PARD3B: variants seen among roughly 807,000 people sequenced by gnomAD.
PARD3B encodes the protein partitioning defective 3 homolog B.
A neutral mutation model predicts 130.2 loss-of-function variants in PARD3B; 103 were observed. That is an observed-to-expected ratio of 0.79 (90% CI 0.67 to 0.93). The LOEUF (loss-of-function observed/expected upper bound fraction) is 0.93, where lower values mean the gene tolerates loss of function less well. PARD3B is among the 40% of genes least tolerant of loss of function. The probability of loss-of-function intolerance (pLI) is 0.00; values close to 1 mark genes in which losing one functional copy is unlikely to be tolerated. For missense variants in PARD3B, 1,609 were observed against 1,499.2 expected, an observed-to-expected ratio of 1.07 and a Z score of -1.21; for synonymous variants, 583 against 553.2, an observed-to-expected ratio of 1.05 and a Z score of -0.76.
Position 205,530,020 on chromosome 2 carries a change from G to A in PARD3B, c.3181-23304G>A, listed in dbSNP as rs2051517302. ...CTATACCAACTGCCACCTTGGTATA[G>A]GCAGGCAAAGAAAGGTGCCACCCAA... is the stretch of plus-strand genomic sequence containing the variant. On this transcript the variant is annotated intron_variant, in intron 21 of 22. Transcript: ENST00000406610. The surrounding 1 kb of genome is among the most constrained non-coding windows in gnomAD (Gnocchi z 4.7). Among the ~76,000 whole-genome samples the A allele has an allele frequency of 1.3e-5, 2 of 152,142 alleles. No homozygotes were observed. Among genetic ancestry groups the A allele is most frequent in the African/African-American group, 2.4e-5 (1 of 41,452 alleles).
intron 1 of PARD3B, among the ~76,000 whole-genome samples, chr2:204,659,889 T>G (rs1379124773): frequency 6.6e-6 from 1 of 152,220 alleles, no homozygotes; most frequent in African/African-American, 2.4e-5. Flanking sequence ...AAGGTTCCTT[T>G]TGATGCTAAA....
intron 2 of PARD3B, among the ~76,000 whole-genome samples, chr2:204,928,182 C>A (rs930938742): frequency 2.6e-5 from 4 of 152,000 alleles, no homozygotes; most frequent in African/African-American, 9.7e-5. Flanking sequence ...ATGACCTTGG[C>A]TGGGACAATT....
chr2:205,178,605 T>C (rs555785779), intron 13 of PARD3B, among the ~76,000 whole-genome samples: 1 of 152,348 alleles, frequency 6.6e-6, no homozygotes, highest in South Asian at 2.1e-4. Context: ...ATGTGGACAT[T>C]TGTATTAAAA....
intron 18 of PARD3B, among the ~76,000 whole-genome samples, chr2:205,400,637 G>A (rs1420182275): frequency 2.7e-5 from 4 of 150,606 alleles, no homozygotes; most frequent in Non-Finnish European, 5.9e-5. Flanking sequence ...GTGAGACGCT[G>A]TCTCAAAAAA....
chr2:205,054,436 A>ATATATATATATT (rs1411271901), intron 4 of PARD3B, among the ~76,000 whole-genome samples: 1 of 28,440 alleles, frequency 3.5e-5, no homozygotes, highest in East Asian at 2.1e-3. Flanking sequence ...ATATATATAT[A>ATATATATATATT]TTTTTTTTTT....
chr2:204,747,379 G>T (rs2040283342), intron 2 of PARD3B, among the ~76,000 whole-genome samples: 1 of 152,122 alleles, frequency 6.6e-6, no homozygotes, highest in Non-Finnish European at 1.5e-5. Context: ...TACAAGGGAT[G>T]TGAAGGACCT....
At chr2:205,370,398 C>T (rs2044766555) in intron 18 of PARD3B, among the ~76,000 whole-genome samples, 1 of 152,160 alleles carries the variant, frequency 6.6e-6, no homozygotes, top group Non-Finnish European at 1.5e-5. Context: ...TTCAATTAAA[C>T]AAATGCAGTG....
intron 20 of PARD3B, among the ~76,000 whole-genome samples, chr2:205,471,597 A>T (rs2048837733): frequency 1.3e-5 from 2 of 152,054 alleles, no homozygotes; most frequent in African/African-American, 4.8e-5. Flanking sequence ...TCCTGACCTC[A>T]GGTGATCCAC....
chr2:205,025,821 A>G (rs1197187809), intron 3 of PARD3B, among the ~76,000 whole-genome samples: 1 of 151,968 alleles, frequency 6.6e-6, no homozygotes, highest in Non-Finnish European at 1.5e-5. Flanking sequence ...CCCTCAACAC[A>G]CAGATGCCTT....
At position 205,530,373 on chromosome 2, in the gene PARD3B, A is replaced by C. The variant is rs1217472970; in HGVS notation, c.3181-22951A>C. ...AGGATGTTGATGTAATTTACATGTA[A>C]TGCCACTTTGTAGTCAGTTCAATTG... On this transcript the variant is annotated intron_variant, in intron 21 of 22. Coordinates refer to ENST00000406610, the MANE Select transcript of PARD3B (RefSeq NM_001302769.2). The surrounding 1 kb of genome is among the most constrained non-coding windows in gnomAD (Gnocchi z 4.7). 3.9e-5 allele frequency among the ~76,000 whole-genome samples: 6 copies of C among 152,192 alleles called. No homozygotes were observed. Among genetic ancestry groups the C allele is most frequent in the Non-Finnish European group, 8.8e-5 (6 of 68,038 alleles).
At position 205,288,338 on chromosome 2, in the gene PARD3B, T is replaced by C. The variant is rs1305826240; in HGVS notation, c.2186-12192T>C. ...CATTTTGAGGACAGATGACTAACCA[T>C]GCTAAAAATGTATATGAAGAAATTA... On this transcript the variant is annotated intron_variant, in intron 16 of 22. Transcript: ENST00000406610. The surrounding 1 kb of genome is among the most constrained non-coding windows in gnomAD (Gnocchi z 4.0). Among the ~76,000 whole-genome samples, 2 of 152,122 alleles carry C rather than the reference T, an allele frequency of 1.3e-5. No homozygotes were observed. Among genetic ancestry groups the C allele is most frequent in the African/African-American group, 2.4e-5 (1 of 41,420 alleles).
At chr2:205,252,506 G>A (rs932419040) in intron 16 of PARD3B, among the ~76,000 whole-genome samples, 2 of 152,118 alleles carry the variant, frequency 1.3e-5, no homozygotes, top group African/African-American at 4.8e-5. Context: ...GAAAGGATAT[G>A]CTTCCATAGC....
chr2:205,404,102 A>G (rs962638938), intron 19 of PARD3B, among the ~76,000 whole-genome samples: 5 of 152,172 alleles, frequency 3.3e-5, no homozygotes, highest in Non-Finnish European at 7.3e-5. Context: ...TCCCATAACC[A>G]CTACTAATAT....
intron 2 of PARD3B, among the ~76,000 whole-genome samples, chr2:204,716,570 G>A (rs1381634786): frequency 2.0e-5 from 3 of 149,848 alleles, no homozygotes; most frequent in African/African-American, 2.5e-5. Context: ...TTGAGTTGAT[G>A]CAAAAGCAGT....
intron 4 of PARD3B, among the ~76,000 whole-genome samples, chr2:205,070,162 G>A (rs1173921352): frequency 6.6e-6 from 1 of 152,010 alleles, no homozygotes; most frequent in Non-Finnish European, 1.5e-5. Flanking sequence ...CTTAGTGAGT[G>A]GTCTGCAAAA....
At chr2:205,027,864 A>T (rs565529399) in intron 3 of PARD3B, among the ~76,000 whole-genome samples, 1 of 152,302 alleles carries the variant, frequency 6.6e-6, no homozygotes, top group African/African-American at 2.4e-5. Context: ...GTCAAAGATT[A>T]GTTGACCATA....
intron 15 of PARD3B, among the ~76,000 whole-genome samples, chr2:205,194,788 A>T (rs183021021): frequency 1.1e-4 from 17 of 151,580 alleles, no homozygotes; most frequent in Admixed American, 9.2e-4. Flanking sequence ...TATTATTATT[A>T]TTATTTTTAT....
chr2:204,968,330 C>G (rs1691430445), intron 3 of PARD3B, among the ~76,000 whole-genome samples: 1 of 152,160 alleles, frequency 6.6e-6, no homozygotes, highest in Non-Finnish European at 1.5e-5. Flanking sequence ...ATTTCTTTTT[C>G]CAACACAAGA....
rs2034414793 is a variant in PARD3B at position 205,160,015 on chromosome 2, A to G, written c.1620+1108A>G. Among the ~76,000 whole-genome samples the G allele has an allele frequency of 6.6e-6, 1 of 152,218 alleles. No individual in the cohort carries two copies. The highest frequency in any genetic ancestry group is 1.5e-5 in the Non-Finnish European group (1 of 68,038). ...CCAAGAAGGCCCCGTTACACTCAAC[A>G]GAGCACCCCTGCACCTAGAATTCTG... On this transcript the variant is annotated intron_variant, in intron 11 of 22. Coordinates refer to ENST00000406610, the MANE Select transcript of PARD3B (RefSeq NM_001302769.2). This position sits in a 1 kb window ranked among gnomAD's most constrained non-coding sequence, Gnocchi z 4.0.
Sources: gnomAD v4.1 joint callset for allele counts (sites outside exome capture counted in the v4.1 genomes callset) on GRCh38, gnomAD v4.1.1 for gene constraint, Gnocchi (gnomAD v3.1) non-coding constraint, MANE v1.5 for transcripts, NCBI Gene and HGNC (gene_info 2026-07-23, HGNC 2026-07-21) for gene names.